Variants in PCDH9 observed in about 807,000 individuals in gnomAD.
PCDH9 encodes the protein protocadherin-9.
In PCDH9, 24 loss-of-function variants were observed where a neutral mutation model predicts 70.6. The ratio of observed to expected loss-of-function variants is 0.34; its 90% confidence interval spans 0.25 to 0.48. The LOEUF is 0.48. Ranked by LOEUF, PCDH9 falls within the 20% of genes least tolerant of loss-of-function variation. PCDH9 has a pLI of 0.99. For synonymous variants in PCDH9, 562 were observed against 558.5 expected, an observed-to-expected ratio of 1.01 and a Z score of -0.09; for missense variants, 1,281 against 1,503.6, an observed-to-expected ratio of 0.85 and a Z score of 2.45.
At chr13:66,913,965 C>A (rs1180383835) in intron 2 of PCDH9, among the ~76,000 whole-genome samples, 1 of 151,870 alleles carries the variant, frequency 6.6e-6, no homozygotes, top group Non-Finnish European at 1.5e-5. Context: ...CCTCCACTTT[C>A]TTTCCAGAAA....
chr13:66,830,163 A>G (rs1011706564), intron 3 of PCDH9, among the ~76,000 whole-genome samples: 1 of 152,206 alleles, frequency 6.6e-6, no homozygotes, highest in East Asian at 1.9e-4. Context: ...TAATTTTAGT[A>G]ATAGAAGTAG....
chr13:66,588,904 A>T (rs1353905250), intron 4 of PCDH9, among the ~76,000 whole-genome samples: 1 of 151,660 alleles, frequency 6.6e-6, no homozygotes, highest in Non-Finnish European at 1.5e-5. Context: ...TAAAAATTTC[A>T]TTTTTTTACA....
intron 3 of PCDH9, among the ~76,000 whole-genome samples, chr13:66,804,255 T>C (rs1222279834): frequency 6.6e-6 from 1 of 152,182 alleles, no homozygotes; most frequent in African/African-American, 2.4e-5. Context: ...CATCCCTGGG[T>C]TAGCAGCCTT....
chr13:66,748,282 T>G (rs1379327056), intron 3 of PCDH9, among the ~76,000 whole-genome samples: 1 of 152,248 alleles, frequency 6.6e-6, no homozygotes, highest in East Asian at 1.9e-4. Flanking sequence ...TTGTTATTGT[T>G]GAGATAACTT....
chr13:67,206,385 C>G (rs927914911), intron 2 of PCDH9: 3 of 152,038 alleles, frequency 2.0e-5, no homozygotes, highest in Non-Finnish European at 4.4e-5. Flanking sequence ...AGGCTGGTCT[C>G]GAACTCCTGA....
chr13:66,698,937 T>TG (rs2078600027), intron 3 of PCDH9, among the ~76,000 whole-genome samples: 1 of 130,722 alleles, frequency 7.6e-6, no homozygotes, highest in Non-Finnish European at 1.6e-5. Context: ...GTTGTTGAGA[T>TG]GGAGTCTCAC....
chr13:67,072,408 C>T (rs1468023369), intron 2 of PCDH9, among the ~76,000 whole-genome samples: 2 of 152,136 alleles, frequency 1.3e-5, no homozygotes, highest in Non-Finnish European at 2.9e-5. Context: ...AGATCGTACC[C>T]TCTTGACTGC....
At chr13:66,547,971 AGTGAGATG>A (rs1961290863) in intron 4 of PCDH9, among the ~76,000 whole-genome samples, 2 of 148,786 alleles carry the variant, frequency 1.3e-5, no homozygotes, top group Admixed American at 1.3e-4. Context: ...AACTTAAAAC[AGTGAGATG>A]TATAGAAGCT....
At chr13:66,380,527 G>A in intron 4 of PCDH9, among the ~76,000 whole-genome samples, 1 of 138,664 alleles carries the variant, frequency 7.2e-6, no homozygotes. Context: ...ATAGAGAATA[G>A]ATCTTGTCCT....
At position 67,028,319 on chromosome 13, in the gene PCDH9, C is replaced by CA. The variant is rs1566373437; in HGVS notation, c.3037-124715dup. 3.5e-5 allele frequency among the ~76,000 whole-genome samples: 5 copies of CA among 143,588 alleles called. No homozygotes were observed. The South Asian group carries it at 1.1e-3, about 33-fold the overall frequency. The allele number at this position is 143,588 out of a possible 152,430, so 94.2% of individuals were successfully genotyped here. A position where few individuals can be genotyped will look rare whatever the true frequency, so the allele number is the denominator to read the frequency against. ...CATTCTCAGTAAACTATCGCAAGAA[C>CA]AAAAAACCAAACACCGCATATTCTC... On this transcript the variant is annotated intron_variant, in intron 2 of 4. Transcript: ENST00000377865.
intron 4 of PCDH9, among the ~76,000 whole-genome samples, chr13:66,512,994 T>C (rs1156953657): frequency 1.3e-5 from 2 of 151,926 alleles, no homozygotes; most frequent in African/African-American, 4.8e-5. Context: ...AGTTTTTGTA[T>C]TTTTTGTAGA....
intron 4 of PCDH9, among the ~76,000 whole-genome samples, chr13:66,451,136 T>C (rs1291470917): frequency 6.6e-6 from 1 of 152,206 alleles, no homozygotes; most frequent in Non-Finnish European, 1.5e-5. Flanking sequence ...TGTGCACATG[T>C]ACCCCAGAAC....
At chr13:66,765,557 T>C (rs563066653) in intron 3 of PCDH9, among the ~76,000 whole-genome samples, 1 of 152,220 alleles carries the variant, frequency 6.6e-6, no homozygotes, top group South Asian at 2.1e-4. Context: ...TTGCATGTGA[T>C]GTTCTTCATG....
At chr13:66,825,930 G>A (rs116096419) in intron 3 of PCDH9, among the ~76,000 whole-genome samples, 2,304 of 151,934 alleles carry the variant, frequency 0.015, 70 homozygotes, top group African/African-American at 0.052. Flanking sequence ...TTTGCATATT[G>A]ATCGCAATCA....
chr13:66,619,463 G>T (rs1457529921), intron 4 of PCDH9, among the ~76,000 whole-genome samples: 3 of 152,030 alleles, frequency 2.0e-5, no homozygotes, highest in African/African-American at 7.2e-5. Context: ...TATTTTTTAA[G>T]TGTGTAACAC....
chr13:67,038,204 A>G lies in PCDH9; in HGVS notation c.3037-134599T>C, dbSNP rs17195252. Reference sequence around the variant, plus strand: ...AGAGACAGAAATCACAAATGCTTTAAAACAAGTTGCACAAAACTCCACTTG... The same window carrying G: ...AGAGACAGAAATCACAAATGCTTTAGAACAAGTTGCACAAAACTCCACTTG... On this transcript the variant is annotated intron_variant, in intron 2 of 4. Transcript: ENST00000377865. Among the ~76,000 whole-genome samples the G allele has an allele frequency of 7.7e-3, 1,178 of 152,326 alleles. 10 individuals are homozygous for G. The highest frequency in any genetic ancestry group is 0.014 in the Middle Eastern group (4 of 294).
chr13:66,988,689 T>C (rs548041276), intron 2 of PCDH9, among the ~76,000 whole-genome samples: 1 of 152,116 alleles, frequency 6.6e-6, no homozygotes, highest in Admixed American at 6.6e-5. Context: ...TAGTGGAAAT[T>C]AGAATTTCAG....
intron 4 of PCDH9, among the ~76,000 whole-genome samples, chr13:66,610,703 C>T (rs1593774381): frequency 6.6e-6 from 1 of 152,306 alleles, no homozygotes; most frequent in East Asian, 1.9e-4. Flanking sequence ...TCTTAAGCAG[C>T]TTAAATCGGA....
intron 3 of PCDH9, among the ~76,000 whole-genome samples, chr13:66,785,401 C>G (rs759233551): frequency 3.3e-5 from 5 of 151,676 alleles, no homozygotes; most frequent in Admixed American, 3.3e-4. Flanking sequence ...TACTCTTCAT[C>G]GTACCTTTAC....
Sources: gnomAD v4.1 joint callset for allele counts (sites outside exome capture counted in the v4.1 genomes callset) on GRCh38, gnomAD v4.1.1 for gene constraint, MANE v1.5 for transcripts, NCBI Gene and HGNC (gene_info 2026-07-23, HGNC 2026-07-21) for gene names.